The following NTF3 variants were observed in gnomAD, a reference collection of about 807,000 sequenced individuals.
The protein encoded by NTF3 is neurotrophin-3.
Under a neutral mutation model 26.3 loss-of-function variants are expected in NTF3, and 8 were observed. That is an observed-to-expected ratio of 0.30 (90% CI 0.18 to 0.55). The LOEUF (loss-of-function observed/expected upper bound fraction) is 0.55. Ranked by LOEUF, NTF3 falls within the 20% of genes least tolerant of loss-of-function variation. The pLI, the probability that NTF3 is intolerant of heterozygous loss-of-function variation, is 0.93. For synonymous variants in NTF3, 154 were observed against 145.5 expected, an observed-to-expected ratio of 1.06 and a Z score of -0.42; for missense variants, 276 against 352.9, an observed-to-expected ratio of 0.78 and a Z score of 1.75.
At chr12:5,458,882 C>A (rs1286078120) in intron 1 of NTF3, among the ~76,000 whole-genome samples, 1 of 152,138 alleles carries the variant, frequency 6.6e-6, no homozygotes, top group African/African-American at 2.4e-5. Flanking sequence ...CACACACACA[C>A]GTGCACACGC....
In NTF3 at chr12:5,439,254, C is replaced by T. The variant is rs193287352; in HGVS notation, c.18+6912C>T. ...ACTTACTGGGTGCCAGGCATTTTTA[C>T]AGCTATTACATGGCATTATCTCAGT... On this transcript the variant is annotated intron_variant, in intron 1 of 1. Transcript: ENST00000423158. Among the ~76,000 whole-genome samples the T allele has an allele frequency of 2.2e-3, 332 of 152,300 alleles. 1 individual carries two copies. Among genetic ancestry groups the T allele is most frequent in the African/African-American group, 7.7e-3 (319 of 41,570 alleles).
In NTF3 at chr12:5,456,626, G is replaced by A. The variant is rs1418238630; in HGVS notation, c.18+24284G>A. Among the ~76,000 whole-genome samples the A allele has an allele frequency of 6.6e-6, 1 of 150,684 alleles. No homozygotes were observed. Among genetic ancestry groups the A allele is most frequent in the East Asian group, 2.0e-4 (1 of 5,034 alleles). ...TCTTCCACCCCCACCCCCACCCCCA[G>A]CCCCTGGAGCAGGTACTCGGGGTCA... On this transcript the variant is annotated intron_variant, in intron 1 of 1. Transcript: ENST00000423158. This position sits in a 1 kb window ranked among gnomAD's most constrained non-coding sequence, Gnocchi z 4.4.
chr12:5,478,765 C>T (rs188303404), intron 1 of NTF3, among the ~76,000 whole-genome samples: 186 of 152,330 alleles, frequency 1.2e-3, no homozygotes, highest in Non-Finnish European at 2.0e-3. Context: ...CACATTGGTC[C>T]AGGGGCAGAA....
intron 1 of NTF3, among the ~76,000 whole-genome samples, chr12:5,490,320 G>A (rs941191592): frequency 1.3e-5 from 2 of 152,222 alleles, no homozygotes; most frequent in Non-Finnish European, 2.9e-5. Context: ...AGTCCGCAGC[G>A]TGTCCAGCCC....
rs1032853741 is a variant in NTF3, at chr12:5,494,078, G to A, written c.19-116G>A. ...GAGGGGAGTTGCCTTGCTTACCTGG[G>A]GGGCGGTACCCTCTCTCGTGCCCTC... On this transcript the variant is annotated intron_variant, in intron 1 of 1. Coordinates refer to ENST00000423158, the MANE Select transcript of NTF3 (RefSeq NM_001102654.2). This position sits in a 1 kb window ranked among gnomAD's most constrained non-coding sequence, Gnocchi z 8.3. 5 of 904,166 alleles carry A rather than the reference G, an allele frequency of 5.5e-6. No individual in the cohort carries two copies. The Admixed American group carries it at 1.2e-4, about 22-fold the overall frequency. The allele number at this position is 904,166 out of a possible 1,614,324, so 56.0% of individuals were successfully genotyped here.
intron 1 of NTF3, among the ~76,000 whole-genome samples, chr12:5,436,023 A>T (rs1391948671): frequency 6.6e-6 from 1 of 152,188 alleles, no homozygotes; most frequent in African/African-American, 2.4e-5. Flanking sequence ...TAGCGAAAAA[A>T]GGTGTACACA....
intron 1 of NTF3, among the ~76,000 whole-genome samples, chr12:5,443,446 G>T (rs950147249): frequency 3.3e-5 from 5 of 152,170 alleles, no homozygotes; most frequent in Non-Finnish European, 7.4e-5. Flanking sequence ...CCCCAGGGGA[G>T]TTTTGGGTGC....
At chr12:5,434,953 C>G (rs1284713906) in intron 1 of NTF3, among the ~76,000 whole-genome samples, 2 of 151,998 alleles carry the variant, frequency 1.3e-5, no homozygotes, top group African/African-American at 2.4e-5. Flanking sequence ...CTCAGATCCT[C>G]TTTATGGAAA....
At chr12:5,460,733 C>T (rs1257870037) in intron 1 of NTF3, among the ~76,000 whole-genome samples, 2 of 152,230 alleles carry the variant, frequency 1.3e-5, no homozygotes, top group African/African-American at 2.4e-5. Flanking sequence ...ACCTCATTCT[C>T]CCCTCTTTCC....
rs74056336 is a variant in NTF3 at position 5,433,684 on chromosome 12, G to T, written c.18+1342G>T. ...TCGAGGCTGGGGTGGGATTGCCGGT[G>T]GGGGAAACACCGAAAAGATCGTCTG... On this transcript the variant is annotated intron_variant, in intron 1 of 1. Transcript: ENST00000423158. This position sits in a 1 kb window ranked among gnomAD's most constrained non-coding sequence, Gnocchi z 4.6. 6.0e-3 allele frequency among the ~76,000 whole-genome samples: 915 copies of T among 152,220 alleles called. 14 individuals are homozygous for T. Among genetic ancestry groups the T allele is most frequent in the African/African-American group, 0.021 (859 of 41,548 alleles).
At chr12:5,469,225 GA>G (rs1486030941) in intron 1 of NTF3, among the ~76,000 whole-genome samples, 1 of 152,186 alleles carries the variant, frequency 6.6e-6, no homozygotes, top group African/African-American at 2.4e-5. Flanking sequence ...ACTTAAGAGA[GA>G]AAAGGGTTTT....
chr12:5,457,653 C>A (rs568705833), intron 1 of NTF3, among the ~76,000 whole-genome samples: 96 of 152,240 alleles, frequency 6.3e-4, no homozygotes, highest in African/African-American at 2.2e-3. Context: ...AGCTACAGAC[C>A]CATATATCCA....
intron 1 of NTF3, among the ~76,000 whole-genome samples, chr12:5,450,542 A>G (rs1940359576): frequency 6.6e-6 from 1 of 152,158 alleles, no homozygotes; most frequent in Non-Finnish European, 1.5e-5. Context: ...CCATTTCTTA[A>G]AATTTCCCTG....
chr12:5,438,770 G>A (rs1940203754), intron 1 of NTF3, among the ~76,000 whole-genome samples: 1 of 152,186 alleles, frequency 6.6e-6, no homozygotes. Context: ...CTGCTACTGT[G>A]TGACCCTGGA....
In NTF3 at chr12:5,494,834, G is replaced by A; in HGVS notation, c.659G>A (p.Gly220Asp). 3 of 1,614,104 alleles carry A rather than the reference G, an allele frequency of 1.9e-6. No homozygotes were observed. Among genetic ancestry groups the A allele is most frequent in the Non-Finnish European group, 2.5e-6 (3 of 1,180,030 alleles). The change falls in exon 2 of 2, where the codon GGT (glycine) becomes GAT (aspartate). Residue 220 changes from glycine to aspartate, a missense_variant. Physicochemically the swap from Gly to Asp is moderately conservative, Grantham distance 94. Transcript: ENST00000423158. This position sits in a 1 kb window ranked among gnomAD's most constrained non-coding sequence, Gnocchi z 8.3. The part of the protein sequence containing the change: ...EARPVKNGCR[G>D]IDDKHWNSQC... ...AGGCCGGTCAAAAACGGTTGCAGGG[G>A]TATTGATGATAAACACTGGAACTCT...
intron 1 of NTF3, among the ~76,000 whole-genome samples, chr12:5,474,139 C>T (rs936789021): frequency 1.3e-5 from 2 of 152,178 alleles, no homozygotes; most frequent in African/African-American, 2.4e-5. Context: ...ATATTTCAGG[C>T]TTCTTAAGAG....
chr12:5,434,584 G>C (rs1346498437), intron 1 of NTF3, among the ~76,000 whole-genome samples: 6 of 151,862 alleles, frequency 4.0e-5, no homozygotes, highest in African/African-American at 7.3e-5. Flanking sequence ...GAGTCTGTCG[G>C]ATGGGCATCT....
intron 1 of NTF3, among the ~76,000 whole-genome samples, chr12:5,467,886 T>C (rs1255088314): frequency 1.3e-5 from 2 of 152,208 alleles, no homozygotes; most frequent in Non-Finnish European, 2.9e-5. Context: ...TATCGTGCTG[T>C]ACTCCTTGGA....
Position 5,494,242 on chromosome 12 carries a change from C to A in NTF3, c.67C>A (p.Leu23Ile), listed in dbSNP as rs755508196. The change falls in exon 2 of 2, where the codon CTC becomes ATC. Residue 23 changes from leucine (L) to isoleucine (I), a missense_variant. This residue lies in a region of NTF3 where 221 missense variants were observed against 258.2 expected (regional missense o/e 0.86). Coordinates refer to ENST00000423158, the MANE Select transcript of NTF3 (RefSeq NM_001102654.2). This position sits in a 1 kb window ranked among gnomAD's most constrained non-coding sequence, Gnocchi z 8.3. ...VMSILFYVIF[L>I]AYLRGIQGNN... Reference sequence around the variant, plus strand: ...GTCCATCTTGTTTTATGTGATATTTCTCGCTTATCTCCGTGGCATCCAAGG... The same window carrying A: ...GTCCATCTTGTTTTATGTGATATTTATCGCTTATCTCCGTGGCATCCAAGG... The A allele has an allele frequency of 1.2e-6, 2 of 1,613,962 alleles. No homozygotes were observed. Among genetic ancestry groups the A allele is most frequent in the Non-Finnish European group, 1.7e-6 (2 of 1,180,046 alleles).
Sources: gnomAD v4.1 joint callset for allele counts (sites outside exome capture counted in the v4.1 genomes callset) on GRCh38, gnomAD v4.1.1 for gene constraint, gnomAD v4.1.1 regional missense constraint, Gnocchi (gnomAD v3.1) non-coding constraint, MANE v1.5 for transcripts, NCBI Gene and HGNC (gene_info 2026-07-23, HGNC 2026-07-21) for gene names.